SOX6: variants seen among roughly 807,000 people sequenced by gnomAD.
SOX6 encodes the protein transcription factor SOX-6.
A neutral mutation model predicts 97.8 loss-of-function variants in SOX6; 11 were observed. The ratio of observed to expected loss-of-function variants is 0.11; its 90% CI spans 0.07 to 0.19. The LOEUF is 0.19. SOX6 is among the 10% of genes least tolerant of loss of function. The pLI is 1.00. For synonymous variants in SOX6, 360 were observed against 371.4 expected, an observed-to-expected ratio of 0.97 and a Z score of 0.35; for missense variants, 810 against 1,039.5, an observed-to-expected ratio of 0.78 and a Z score of 3.04.
intron 4 of SOX6, among the ~76,000 whole-genome samples, chr11:16,595,104 A>G (rs1848197476): frequency 6.6e-6 from 1 of 152,150 alleles, no homozygotes; most frequent in Non-Finnish European, 1.5e-5. Flanking sequence ...GGATGTTTTT[A>G]AACTGTTTTC....
chr11:16,176,898 T>C (rs553226754), intron 6 of SOX6, among the ~76,000 whole-genome samples: 8 of 151,920 alleles, frequency 5.3e-5, no homozygotes, highest in East Asian at 1.9e-4. Context: ...ACTTGCTTTT[T>C]AAGCTCAGAC....
At chr11:16,684,009 G>A (rs1052023226) in intron 3 of SOX6, among the ~76,000 whole-genome samples, 5 of 152,206 alleles carry the variant, frequency 3.3e-5, no homozygotes, top group African/African-American at 1.2e-4. Context: ...CTGGTCATCA[G>A]AGAAATGCAA....
At chr11:16,363,415 T>C (rs766968347) in intron 1 of SOX6, among the ~76,000 whole-genome samples, 14 of 152,132 alleles carry the variant, frequency 9.2e-5, no homozygotes, top group East Asian at 3.9e-4. Context: ...AAGAGGGATG[T>C]TCAATCCAAT....
chr11:16,604,325 C>T (rs1025694181), intron 4 of SOX6, among the ~76,000 whole-genome samples: 5 of 152,230 alleles, frequency 3.3e-5, no homozygotes, highest in Non-Finnish European at 7.3e-5. Context: ...TTCACCAAAC[C>T]CACCTCCTAG....
intron 4 of SOX6, among the ~76,000 whole-genome samples, chr11:16,199,508 CTT>C (rs1851877008): frequency 6.6e-6 from 1 of 152,118 alleles, no homozygotes; most frequent in Non-Finnish European, 1.5e-5. Context: ...ACCCCAGCCT[CTT>C]TTCAGTAAAC....
At chr11:16,151,499 T>C (rs1054474759) in intron 6 of SOX6, among the ~76,000 whole-genome samples, 2 of 152,184 alleles carry the variant, frequency 1.3e-5, no homozygotes, top group Admixed American at 6.6e-5. Context: ...CATTTTTCTG[T>C]TGCTGTTAAT....
At chr11:16,639,490 A>G (rs1564855279) in intron 3 of SOX6, among the ~76,000 whole-genome samples, 2 of 152,154 alleles carry the variant, frequency 1.3e-5, no homozygotes, top group South Asian at 2.1e-4. Flanking sequence ...CATTGAATCT[A>G]TAAATTACCT....
At chr11:16,350,610 A>G (rs180676187) in intron 1 of SOX6, among the ~76,000 whole-genome samples, 54 of 152,286 alleles carry the variant, frequency 3.5e-4, no homozygotes, top group Non-Finnish European at 7.4e-4. Context: ...CAGAGTATTT[A>G]TTACAATATA....
At chr11:16,095,954 C>T in intron 9 of SOX6, 42 bp downstream of exon 9, 1 of 1,582,200 alleles carries the variant, frequency 6.3e-7, no homozygotes, top group Non-Finnish European at 8.6e-7. Flanking sequence ...ACTGAACAAT[C>T]CAGTCCCCAA....
At chr11:16,119,588 G>A (rs1488850278) in intron 6 of SOX6, among the ~76,000 whole-genome samples, 1 of 152,094 alleles carries the variant, frequency 6.6e-6, no homozygotes, top group South Asian at 2.1e-4. Flanking sequence ...TATATATCCT[G>A]TTGCTCTTAT....
intron 3 of SOX6, among the ~76,000 whole-genome samples, chr11:16,257,085 C>T (rs1565052095): frequency 6.6e-6 from 1 of 151,720 alleles, no homozygotes. Flanking sequence ...TAGAGATATT[C>T]CATGTTTATG....
chr11:16,115,155 G>A (rs1170291232), intron 6 of SOX6, among the ~76,000 whole-genome samples: 1 of 152,134 alleles, frequency 6.6e-6, no homozygotes, highest in East Asian at 1.9e-4. Flanking sequence ...GAGGTCAAAG[G>A]ACATTGTGAA....
At chr11:16,516,010 T>A (rs1322542623) in intron 4 of SOX6, among the ~76,000 whole-genome samples, 76 of 151,926 alleles carry the variant, frequency 5.0e-4, no homozygotes, top group African/African-American at 1.7e-3. Flanking sequence ...CTTTTGGCTT[T>A]GGATTGACTT....
At chr11:16,637,276 A>G (rs2134000613) in intron 3 of SOX6, among the ~76,000 whole-genome samples, 1 of 152,316 alleles carries the variant, frequency 6.6e-6, no homozygotes, top group Non-Finnish European at 1.5e-5. Context: ...GCTGGAGTGC[A>G]GTGGTGTGAT....
intron 3 of SOX6, among the ~76,000 whole-genome samples, chr11:16,258,756 A>C (rs1288317576): frequency 2.6e-5 from 4 of 151,814 alleles, no homozygotes; most frequent in Non-Finnish European, 5.9e-5. Context: ...CTGTTGCAAC[A>C]AATCTACCAC....
chr11:16,573,351 T>C (rs1175192514), intron 4 of SOX6, among the ~76,000 whole-genome samples: 2 of 152,236 alleles, frequency 1.3e-5, no homozygotes, highest in African/African-American at 4.8e-5. Flanking sequence ...ACAATGCACA[T>C]GACTCAGTTT....
chr11:16,393,118 G>A (rs917581695), intron 1 of SOX6, among the ~76,000 whole-genome samples: 13 of 151,892 alleles, frequency 8.6e-5, no homozygotes, highest in Non-Finnish European at 1.8e-4. Flanking sequence ...CTACTAACTT[G>A]AGTCTAGCGC....
intron 2 of SOX6, among the ~76,000 whole-genome samples, chr11:16,336,691 G>T (rs1166359902): frequency 6.6e-6 from 1 of 152,120 alleles, no homozygotes; most frequent in African/African-American, 2.4e-5. Flanking sequence ...ACACTTGAAA[G>T]AAAGTTTAAA....
rs1420944195 is a variant in SOX6 at position 16,542,907 on chromosome 11, A to C, written n.610-66519T>G. Among the ~76,000 whole-genome samples the C allele has an allele frequency of 2.0e-5, 3 of 152,264 alleles. No individual in the cohort carries two copies. In the East Asian group the frequency reaches 5.8e-4, roughly 29 times the overall value. On this transcript the variant is annotated intron_variant and non_coding_transcript_variant, in intron 4 of 5. Coordinates refer to the SOX6 transcript ENST00000524520. ...TCAGAATCAGGGACCAGTAATTGGT[A>C]AATGATTGCTAATATTTATATTATC...
Sources: allele counts gnomAD v4.1 joint callset (sites outside exome capture counted in the v4.1 genomes callset), GRCh38; gene constraint gnomAD v4.1.1; transcripts MANE v1.5; gene names NCBI Gene and HGNC (gene_info 2026-07-23, HGNC 2026-07-21).